The following DUSP22 variants were observed in gnomAD, a reference collection of about 807,000 sequenced individuals.
DUSP22 encodes the protein dual specificity phosphatase 22, also known as dual specificity protein phosphatase 22.
Under a neutral mutation model 24.5 loss-of-function variants are expected in DUSP22, and 24 were observed. That is an observed-to-expected ratio of 0.98 (90% confidence interval 0.71 to 1.38). The LOEUF is 1.38. DUSP22 is among the 40% of genes most tolerant of loss of function. The probability of loss-of-function intolerance (pLI) is 0.00; values close to 1 mark genes in which losing one functional copy is unlikely to be tolerated. For missense variants in DUSP22, 330 were observed against 269.2 expected (o/e 1.23, Z -1.58); for synonymous variants, 160 against 106.4 (o/e 1.50, Z -3.10).
At chr6:348,312 G>C (rs1252445500) in intron 6 of DUSP22, 38 bp downstream of exon 6, 1 of 1,612,726 alleles carries the variant, frequency 6.2e-7, no homozygotes, top group Non-Finnish European at 8.5e-7. Flanking sequence ...ATGCAGGCAG[G>C]TGCCCCTGAA....
At position 292,500 on chromosome 6, in the gene DUSP22, G is replaced by A. The variant is rs749410690; in HGVS notation, c.-40G>A. The A allele has an allele frequency of 1.1e-5, 17 of 1,601,824 alleles. No homozygotes were observed. In the East Asian group the frequency reaches 3.0e-4, roughly 28 times the overall value. ...CTGTAACATGCCATAGTGCGCCTGCGACCACACGGCCGGGGCGCTAGCGTT... is the reference window on the plus strand; with the variant it reads ...CTGTAACATGCCATAGTGCGCCTGCAACCACACGGCCGGGGCGCTAGCGTT... On this transcript the variant is annotated 5_prime_UTR_variant, in exon 1 of 7. Coordinates refer to ENST00000419235, the MANE Select transcript of DUSP22 (RefSeq NM_001286555.3).
In DUSP22 at chr6:348,643, C is replaced by G; in HGVS notation, c.436-126C>G. 6 of 1,484,324 alleles carry G rather than the reference C, an allele frequency of 4.0e-6. No individual in the cohort carries two copies. In the South Asian group the frequency reaches 7.7e-5, roughly 19 times the overall value. 91.9% of individuals were successfully genotyped at this position (1,484,324 alleles called of 1,614,324 possible). On this transcript the variant is annotated intron_variant, in intron 6 of 6. Transcript: ENST00000419235. The stretch of plus-strand genomic sequence containing the variant: ...TGGCCAACCACAGAGCTCTGATTTC[C>G]CACTGCTGTTTGTTTCCCTGGTTAT...
At chr6:304,118 C>T (rs1473876591) in intron 1 of DUSP22, among the ~76,000 whole-genome samples, 3 of 152,312 alleles carry the variant, frequency 2.0e-5, no homozygotes, top group Admixed American at 6.5e-5. Flanking sequence ...GAAAGATGGG[C>T]CTTCACCTGG....
At chr6:320,228 C>T (rs1413387075) in intron 3 of DUSP22, 1 of 152,606 alleles carries the variant, frequency 6.6e-6, no homozygotes, top group Non-Finnish European at 1.5e-5. Flanking sequence ...CTCTCTAGGG[C>T]TCGTGCTCAC....
intron 1 of DUSP22, among the ~76,000 whole-genome samples, chr6:297,407 G>C (rs1251200978): frequency 6.6e-6 from 1 of 152,308 alleles, no homozygotes. Flanking sequence ...CTCTTGCCCT[G>C]TTAGGAAGAT....
At chr6:303,469 G>A (rs1248845726) in intron 1 of DUSP22, among the ~76,000 whole-genome samples, 1 of 152,308 alleles carries the variant, frequency 6.6e-6, no homozygotes, top group African/African-American at 2.4e-5. Context: ...TTTTAGCGAG[G>A]CAGCCGGTGG....
intron 3 of DUSP22, among the ~76,000 whole-genome samples, chr6:328,263 G>C (rs547274989): frequency 6.6e-6 from 1 of 152,302 alleles, no homozygotes; most frequent in Non-Finnish European, 1.5e-5. Flanking sequence ...AAGTCCTGCA[G>C]CTGAACTGAA....
intron 3 of DUSP22, among the ~76,000 whole-genome samples, chr6:321,335 CT>C (rs1391157612): frequency 6.6e-6 from 1 of 152,306 alleles, no homozygotes; most frequent in African/African-American, 2.4e-5. Flanking sequence ...TGAACTTCAT[CT>C]TGCAGTAAGC....
In DUSP22 at chr6:312,058, C is replaced by G. The variant is rs571057561; in HGVS notation, c.138+96C>G. 4.7e-6 allele frequency: 6 copies of G among 1,281,556 alleles called. No homozygotes were observed. The Admixed American group carries it at 1.3e-4, about 29-fold the overall frequency. 79.4% of individuals were successfully genotyped at this position (1,281,556 alleles called of 1,614,324 possible). ...GAAGGCAACCAGGTTCTCTCCAATGCGAACGTACTCCTGTGATCTCTGGCG... is the reference window on the plus strand; with the variant it reads ...GAAGGCAACCAGGTTCTCTCCAATGGGAACGTACTCCTGTGATCTCTGGCG... On this transcript the variant is annotated intron_variant, in intron 3 of 6. Coordinates refer to ENST00000419235, the MANE Select transcript of DUSP22 (RefSeq NM_001286555.3).
At chr6:305,619 C>T (rs551017127) in intron 2 of DUSP22, among the ~76,000 whole-genome samples, 52 of 152,404 alleles carry the variant, frequency 3.4e-4, no homozygotes, top group African/African-American at 9.9e-4. Context: ...CTCTGGAGCA[C>T]GGTGGTCACT....
chr6:316,295 C>G (rs1406625877), intron 3 of DUSP22, among the ~76,000 whole-genome samples: 1 of 152,310 alleles, frequency 6.6e-6, no homozygotes, highest in Non-Finnish European at 1.5e-5. Flanking sequence ...GGTATCAAAA[C>G]TTCGGAGCAC....
In DUSP22 at chr6:350,948, A is replaced by G. The variant is rs1246875661; in HGVS notation, c.*1997A>G. ...CAAAAAGAAAAGCAACATAGAGTTT[A>G]AGTATCCAGTAGTGATTTGTAAACT... On this transcript the variant is annotated 3_prime_UTR_variant, in exon 7 of 7. Transcript: ENST00000419235. 2 of 1,575,414 alleles carry G rather than the reference A, an allele frequency of 1.3e-6. No individual in the cohort carries two copies. The highest frequency in any genetic ancestry group is 2.2e-5 in the East Asian group (1 of 44,652).
At chr6:324,758 T>C (rs1581170520) in intron 3 of DUSP22, among the ~76,000 whole-genome samples, 1 of 152,306 alleles carries the variant, frequency 6.6e-6, no homozygotes, top group Non-Finnish European at 1.5e-5. Flanking sequence ...CCGTGCTGTT[T>C]AGAAAGGGCT....
rs1401982882 is a variant in DUSP22, at chr6:349,967, A to G, written c.*1016A>G. 1.0e-6 allele frequency: 1 copy of G among 985,656 alleles called. No individual in the cohort carries two copies. The highest frequency in any genetic ancestry group is 6.1e-5 in the Admixed American group (1 of 16,280). The allele number at this position is 985,656 out of a possible 1,614,324, so 61.1% of individuals were successfully genotyped here. On this transcript the variant is annotated 3_prime_UTR_variant, in exon 7 of 7. Transcript: ENST00000419235. ...GCAGGGGCTCCTCCTCAACATTTGCATGCACCTGCAAGAATTGGGAAGAAA... is the reference window on the plus strand; with the variant it reads ...GCAGGGGCTCCTCCTCAACATTTGCGTGCACCTGCAAGAATTGGGAAGAAA...
At chr6:347,787 G>A (rs944325306) in intron 5 of DUSP22, among the ~76,000 whole-genome samples, 6 of 152,298 alleles carry the variant, frequency 3.9e-5, no homozygotes, top group Non-Finnish European at 7.3e-5. Flanking sequence ...CAGTTATGTC[G>A]TTTGTCCGGG....
intron 4 of DUSP22, among the ~76,000 whole-genome samples, chr6:343,658 TGTGTGCATGTTTGC>T (rs11267680): frequency 4.2e-5 from 6 of 143,258 alleles, no homozygotes; most frequent in Non-Finnish European, 6.2e-5. Context: ...GCAGAACATG[TGTGTGCATGTTTGC>T]GTGTGCATGT....
chr6:339,115 G>A (rs1026101959), intron 4 of DUSP22, among the ~76,000 whole-genome samples: 2 of 152,302 alleles, frequency 1.3e-5, no homozygotes, highest in African/African-American at 2.4e-5. Context: ...CTACTGTGGT[G>A]TGTTTTGCAT....
intron 2 of DUSP22, among the ~76,000 whole-genome samples, chr6:307,305 C>T (rs905487619): frequency 6.6e-6 from 1 of 152,296 alleles, no homozygotes; most frequent in Non-Finnish European, 1.5e-5. Flanking sequence ...TTCCCGTTTC[C>T]TTTCTTCCCT....
At chr6:345,425 G>T (rs1290799566) in intron 4 of DUSP22, among the ~76,000 whole-genome samples, 7 of 152,408 alleles carry the variant, frequency 4.6e-5, no homozygotes, top group African/African-American at 7.2e-5. Flanking sequence ...GGCCAGGCTG[G>T]TCTCGAGCTC....
Sources: gnomAD v4.1 joint callset for allele counts (sites outside exome capture counted in the v4.1 genomes callset) on GRCh38, gnomAD v4.1.1 for gene constraint, MANE v1.5 for transcripts, NCBI Gene and HGNC (gene_info 2026-07-23, HGNC 2026-07-21) for gene names.